Variants in CCSER1 observed in about 807,000 individuals in gnomAD.
The protein encoded by CCSER1 is coiled-coil serine rich protein 1, also known as serine-rich coiled-coil domain-containing protein 1.
Under a neutral mutation model 82.0 loss-of-function variants are expected in CCSER1, and 41 were observed. The ratio of observed to expected loss-of-function variants is 0.50; its 90% CI spans 0.39 to 0.65. The LOEUF is 0.65. CCSER1 is among the 30% of genes least tolerant of loss of function. The pLI is 0.00. For synonymous variants in CCSER1, 414 were observed against 383.9 expected (o/e 1.08, Z -0.92); for missense variants, 1,119 against 1,064.2 (o/e 1.05, Z -0.72).
chr4:90,286,305 T>C (rs1448295840), intron 1 of CCSER1, among the ~76,000 whole-genome samples: 2 of 152,050 alleles, frequency 1.3e-5, no homozygotes, highest in Non-Finnish European at 2.9e-5. Context: ...ACTGTTTCTC[T>C]TTCACTACCT....
At chr4:90,353,677 T>C (rs1373269089) in intron 3 of CCSER1, among the ~76,000 whole-genome samples, 1 of 152,192 alleles carries the variant, frequency 6.6e-6, no homozygotes, top group Non-Finnish European at 1.5e-5. Context: ...AAGGTAGGCT[T>C]ATGTCTCCTT....
intron 1 of CCSER1, among the ~76,000 whole-genome samples, chr4:90,259,035 G>T (rs1346884942): frequency 6.6e-6 from 1 of 152,102 alleles, no homozygotes; most frequent in East Asian, 1.9e-4. Flanking sequence ...GTGGTATTTT[G>T]ATGGGAATAG....
At chr4:91,548,521 CA>C (rs1182050642) in intron 10 of CCSER1, among the ~76,000 whole-genome samples, 1 of 151,318 alleles carries the variant, frequency 6.6e-6, no homozygotes, top group African/African-American at 2.4e-5. Context: ...CTTATTTTAA[CA>C]TTTTTTTGCT....
chr4:90,763,556 G>A (rs1430122411), intron 7 of CCSER1, among the ~76,000 whole-genome samples: 1 of 152,082 alleles, frequency 6.6e-6, no homozygotes, highest in African/African-American at 2.4e-5. Flanking sequence ...TACAAACAAT[G>A]TATCCATTGG....
intron 10 of CCSER1, among the ~76,000 whole-genome samples, chr4:91,421,730 T>C (rs928365885): frequency 6.6e-6 from 1 of 151,764 alleles, no homozygotes; most frequent in Non-Finnish European, 1.5e-5. Flanking sequence ...ATGTATCAAA[T>C]GGCCGCACTG....
At chr4:91,209,550 C>T (rs1184311055) in intron 10 of CCSER1, among the ~76,000 whole-genome samples, 1 of 151,856 alleles carries the variant, frequency 6.6e-6, no homozygotes, top group African/African-American at 2.4e-5. Context: ...CCTTGCATCC[C>T]AGGGATAAAG....
chr4:90,359,879 G>GTGTGTA (rs1745013745), intron 3 of CCSER1, among the ~76,000 whole-genome samples: 2 of 145,190 alleles, frequency 1.4e-5, no homozygotes, highest in Admixed American at 6.9e-5. Context: ...ATATATGTGT[G>GTGTGTA]TATATATATG....
intron 2 of CCSER1, 122 bp downstream of exon 2, chr4:90,309,730 G>T (rs1445756456): frequency 1.4e-6 from 1 of 708,216 alleles, no homozygotes; most frequent in Non-Finnish European, 2.2e-6. Flanking sequence ...TTTCGAAATG[G>T]TTTCCTATTC....
At chr4:91,595,060 G>A (rs1764500553) in intron 10 of CCSER1, among the ~76,000 whole-genome samples, 1 of 149,400 alleles carries the variant, frequency 6.7e-6, no homozygotes, top group African/African-American at 2.5e-5. Context: ...AAAAAAAAAA[G>A]CAAAACCAAA....
At chr4:90,456,975 G>A (rs149437560) in intron 4 of CCSER1, among the ~76,000 whole-genome samples, 2,478 of 152,252 alleles carry the variant, frequency 0.016, 64 homozygotes, top group African/African-American at 0.057. Flanking sequence ...GTCTGCACTC[G>A]GCTTGTACTA....
chr4:91,097,253 A>G lies in CCSER1; in HGVS notation c.2217+11259A>G, dbSNP rs112975469. ...ATGGTTGAATATCTAAATCAGGAAT[A>G]AATATTTAGCTTCTGAAATTCTATT... On this transcript the variant is annotated intron_variant, in intron 10 of 10. Transcript: ENST00000509176. Among the ~76,000 whole-genome samples the G allele has an allele frequency of 3.2e-3, 492 of 152,332 alleles. 1 individual carries two copies. Among genetic ancestry groups the G allele is most frequent in the Non-Finnish European group, 6.2e-3 (422 of 68,028 alleles).
chr4:90,239,886 C>G (rs1028452939), intron 1 of CCSER1, among the ~76,000 whole-genome samples: 5 of 152,078 alleles, frequency 3.3e-5, no homozygotes, highest in South Asian at 2.1e-4. Flanking sequence ...ATCAACTAGT[C>G]CACTTTGAAG....
intron 7 of CCSER1, among the ~76,000 whole-genome samples, chr4:90,737,623 A>G (rs918450621): frequency 2.6e-5 from 4 of 152,120 alleles, no homozygotes; most frequent in African/African-American, 9.7e-5. Flanking sequence ...TTGGTGTTCT[A>G]TAAATTTTAG....
At chr4:90,839,488 C>G (rs1762289087) in intron 8 of CCSER1, among the ~76,000 whole-genome samples, 1 of 152,294 alleles carries the variant, frequency 6.6e-6, no homozygotes, top group South Asian at 2.1e-4. Flanking sequence ...ACTGAACTTG[C>G]TACAGCTTCA....
At chr4:90,756,650 A>G (rs917943170) in intron 7 of CCSER1, among the ~76,000 whole-genome samples, 2 of 152,166 alleles carry the variant, frequency 1.3e-5, no homozygotes, top group Non-Finnish European at 2.9e-5. Context: ...ACACCTATCA[A>G]TTCTCTTACA....
intron 6 of CCSER1, among the ~76,000 whole-genome samples, chr4:90,684,414 C>G (rs949681968): frequency 6.6e-6 from 1 of 152,018 alleles, no homozygotes; most frequent in Non-Finnish European, 1.5e-5. Flanking sequence ...ACATGCTATT[C>G]ATTATTTTTG....
intron 9 of CCSER1, among the ~76,000 whole-genome samples, chr4:90,968,920 AC>A (rs1488179227): frequency 6.6e-6 from 1 of 151,976 alleles, no homozygotes; most frequent in African/African-American, 2.4e-5. Flanking sequence ...AGAAAAATGA[AC>A]AAAAAGAAGA....
At chr4:91,064,024 T>G (rs1272345496) in intron 9 of CCSER1, among the ~76,000 whole-genome samples, 3 of 152,320 alleles carry the variant, frequency 2.0e-5, no homozygotes, top group Admixed American at 2.0e-4. Flanking sequence ...AGTTTTCTTA[T>G]CTTTTCTTTC....
intron 10 of CCSER1, among the ~76,000 whole-genome samples, chr4:91,156,525 A>G (rs578049087): frequency 6.6e-6 from 1 of 151,514 alleles, no homozygotes. Flanking sequence ...GAATTAAATT[A>G]TTAGAATTAA....
Sources: allele counts gnomAD v4.1 joint callset (sites outside exome capture counted in the v4.1 genomes callset), GRCh38; gene constraint gnomAD v4.1.1; transcripts MANE v1.5; gene names NCBI Gene and HGNC (gene_info 2026-07-23, HGNC 2026-07-21).